RABGAP1L: variants seen among roughly 807,000 people sequenced by gnomAD.
RABGAP1L encodes rab GTPase-activating protein 1-like.
In RABGAP1L, 63 loss-of-function variants were observed where a neutral mutation model predicts 137.7. That is an observed-to-expected ratio of 0.46 (90% CI 0.37 to 0.56). The LOEUF (loss-of-function observed/expected upper bound fraction) is 0.56. Among genes scored for constraint, RABGAP1L ranks in the 20% least tolerant of loss-of-function variants. The pLI, the probability that RABGAP1L is intolerant of heterozygous loss-of-function variation, is 0.00. For synonymous variants in RABGAP1L, 431 were observed against 433.7 expected (o/e 0.99, Z 0.08); for missense variants, 1,095 against 1,244.0 (o/e 0.88, Z 1.80).
chr1:174,860,753 G>A (rs183405291), intron 19 of RABGAP1L, among the ~76,000 whole-genome samples: 4 of 152,274 alleles, frequency 2.6e-5, no homozygotes, highest in Non-Finnish European at 4.4e-5. Context: ...AAAGAACAAA[G>A]TTTTTAGGGA....
chr1:174,762,964 G>A (rs945179373), intron 18 of RABGAP1L, among the ~76,000 whole-genome samples: 4 of 151,670 alleles, frequency 2.6e-5, no homozygotes, highest in East Asian at 3.9e-4. Flanking sequence ...ACAGGCATGC[G>A]CCGCCACACC....
chr1:174,960,855 C>T (rs1285214505), intron 20 of RABGAP1L, among the ~76,000 whole-genome samples: 1 of 152,090 alleles, frequency 6.6e-6, no homozygotes, highest in Non-Finnish European at 1.5e-5. Context: ...TAGTGATGCC[C>T]ATTAATTTCC....
chr1:174,777,607 T>C (rs1005799396), intron 18 of RABGAP1L, among the ~76,000 whole-genome samples: 2 of 152,194 alleles, frequency 1.3e-5, no homozygotes, highest in African/African-American at 4.8e-5. Flanking sequence ...GAAATCACTC[T>C]AGATTTTATA....
chr1:174,505,581 A>G (rs750375928), intron 13 of RABGAP1L, among the ~76,000 whole-genome samples: 4 of 152,158 alleles, frequency 2.6e-5, no homozygotes, highest in Non-Finnish European at 5.9e-5. Context: ...ATCATCAGGA[A>G]AATGCAAATC....
At chr1:174,671,644 C>T (rs1677183767) in intron 14 of RABGAP1L, among the ~76,000 whole-genome samples, 1 of 152,052 alleles carries the variant, frequency 6.6e-6, no homozygotes, top group Non-Finnish European at 1.5e-5. Flanking sequence ...CCTTGCATCC[C>T]TGGGATTAAT....
rs2147916027 is a variant in RABGAP1L, at chr1:174,537,249, T to A, written c.1711-100126T>A. ...AATGAGTTGCTATGACAGTTCATAT[T>A]ATGAGGTTGAACCAAATGCAAAGTA... On this transcript the variant is annotated intron_variant, in intron 13 of 25. Coordinates refer to ENST00000681986, the MANE Select transcript of RABGAP1L (RefSeq NM_001366446.1). 2.0e-5 allele frequency among the ~76,000 whole-genome samples: 3 copies of A among 152,326 alleles called. No homozygotes were observed. The Middle Eastern group carries it at 0.01, about 522-fold the overall frequency.
chr1:174,739,206 A>C (rs1312520235), intron 17 of RABGAP1L, among the ~76,000 whole-genome samples: 1 of 152,184 alleles, frequency 6.6e-6, no homozygotes, highest in Non-Finnish European at 1.5e-5. Flanking sequence ...TTTACGGTTT[A>C]AATAAATTTT....
chr1:174,950,495 G>T (rs1220842490), intron 19 of RABGAP1L, among the ~76,000 whole-genome samples: 1 of 152,114 alleles, frequency 6.6e-6, no homozygotes, highest in East Asian at 1.9e-4. Flanking sequence ...GCCTTCTCCT[G>T]ATTCCTTTTC....
chr1:174,233,265 A>ATT (rs1670841625), intron 4 of RABGAP1L, among the ~76,000 whole-genome samples: 2 of 109,094 alleles, frequency 1.8e-5, no homozygotes, highest in African/African-American at 5.3e-5. Context: ...ATATGAAGAT[A>ATT]ATTTTTTTTT....
intron 19 of RABGAP1L, among the ~76,000 whole-genome samples, chr1:174,914,897 C>T (rs1660608601): frequency 6.6e-6 from 1 of 152,114 alleles, no homozygotes; most frequent in East Asian, 1.9e-4. Flanking sequence ...TAAATGGAAC[C>T]ATACAGTATT....
At chr1:174,239,416 C>A (rs1183140386) in intron 4 of RABGAP1L, among the ~76,000 whole-genome samples, 1 of 152,148 alleles carries the variant, frequency 6.6e-6, no homozygotes, top group Non-Finnish European at 1.5e-5. Flanking sequence ...TCATATTTCC[C>A]GCCCCAGGAC....
chr1:174,238,920 A>T (rs1480563710), intron 4 of RABGAP1L: 1 of 164,838 alleles, frequency 6.1e-6, no homozygotes, highest in Non-Finnish European at 1.3e-5. Context: ...AATCAGCGAG[A>T]TTCCGTTGGC....
At chr1:174,979,717 T>C (rs1326682475) in intron 23 of RABGAP1L, among the ~76,000 whole-genome samples, 2 of 152,182 alleles carry the variant, frequency 1.3e-5, no homozygotes, top group Non-Finnish European at 2.9e-5. Flanking sequence ...AACAAAGGGC[T>C]CATCTTCTTG....
intron 13 of RABGAP1L, among the ~76,000 whole-genome samples, chr1:174,560,365 A>G (rs1392433657): frequency 1.3e-5 from 2 of 152,122 alleles, no homozygotes; most frequent in African/African-American, 2.4e-5. Context: ...AAGTTATGCA[A>G]CTGGTGGGTG....
intron 13 of RABGAP1L, among the ~76,000 whole-genome samples, chr1:174,435,143 G>T (rs1337434129): frequency 6.6e-6 from 1 of 152,022 alleles, no homozygotes; most frequent in African/African-American, 2.4e-5. Context: ...GCCTCAGCTT[G>T]CAGGTAGCTG....
intron 13 of RABGAP1L, among the ~76,000 whole-genome samples, chr1:174,635,724 T>G: frequency 6.6e-6 from 1 of 152,182 alleles, no homozygotes; most frequent in East Asian, 1.9e-4. Flanking sequence ...ATGTTCAATG[T>G]TTGCTAGGAA....
chr1:174,260,924 A>T (rs1273309329), intron 7 of RABGAP1L, among the ~76,000 whole-genome samples: 1 of 151,076 alleles, frequency 6.6e-6, no homozygotes, highest in African/African-American at 2.4e-5. Flanking sequence ...GCCAAGTATT[A>T]CTTCTTATTT....
chr1:174,440,373 C>T (rs1443960360), intron 13 of RABGAP1L, among the ~76,000 whole-genome samples: 1 of 152,150 alleles, frequency 6.6e-6, no homozygotes, highest in Non-Finnish European at 1.5e-5. Context: ...ACAAACAACT[C>T]AAGGCCACAT....
chr1:174,707,496 G>C (rs1176792483), intron 17 of RABGAP1L, among the ~76,000 whole-genome samples: 1 of 152,170 alleles, frequency 6.6e-6, no homozygotes. Flanking sequence ...TGACATTTGA[G>C]TTAGGATATT....
Sources: allele counts gnomAD v4.1 joint callset (sites outside exome capture counted in the v4.1 genomes callset), GRCh38; gene constraint gnomAD v4.1.1; transcripts MANE v1.5; gene names NCBI Gene and HGNC (gene_info 2026-07-23, HGNC 2026-07-21).